The following AGBL4 variants were observed in gnomAD, a reference collection of about 807,000 sequenced individuals.
AGBL4 encodes cytosolic carboxypeptidase 6.
Under a neutral mutation model 66.4 loss-of-function variants are expected in AGBL4, and 58 were observed. That is an observed-to-expected ratio of 0.87 (90% CI 0.71 to 1.09). The LOEUF (loss-of-function observed/expected upper bound fraction) is 1.09, where lower values mean the gene tolerates loss of function less well. Ranked by LOEUF, AGBL4 falls within the 50% of genes least tolerant of loss-of-function variation. The pLI is 0.00. For synonymous variants in AGBL4, 234 were observed against 222.9 expected, an observed-to-expected ratio of 1.05 and a Z score of -0.44; for missense variants, 579 against 631.0, an observed-to-expected ratio of 0.92 and a Z score of 0.88.
chr1:49,810,738 T>A (rs534041152), intron 2 of AGBL4, among the ~76,000 whole-genome samples: 3 of 152,260 alleles, frequency 2.0e-5, no homozygotes, highest in East Asian at 3.9e-4. Flanking sequence ...AGTGACATGT[T>A]GAGGAAGTTT....
chr1:49,106,241 A>C (rs1645289879), intron 4 of AGBL4, among the ~76,000 whole-genome samples: 1 of 152,188 alleles, frequency 6.6e-6, no homozygotes, highest in African/African-American at 2.4e-5. Flanking sequence ...TGCCTTTACC[A>C]AAAGGGTTTT....
intron 3 of AGBL4, among the ~76,000 whole-genome samples, chr1:49,493,906 C>T (rs1256314150): frequency 6.6e-6 from 1 of 151,940 alleles, no homozygotes; most frequent in Non-Finnish European, 1.5e-5. Context: ...GGTTTGTATA[C>T]ATGCTACCAC....
intron 3 of AGBL4, among the ~76,000 whole-genome samples, chr1:49,611,544 T>A (rs1403131260): frequency 2.0e-5 from 3 of 151,682 alleles, no homozygotes; most frequent in Admixed American, 1.3e-4. Flanking sequence ...CCCAGCTAAT[T>A]TTTTTTGTAT....
At chr1:49,747,052 T>G (rs548010196) in intron 2 of AGBL4, among the ~76,000 whole-genome samples, 4 of 152,168 alleles carry the variant, frequency 2.6e-5, no homozygotes, top group Non-Finnish European at 4.4e-5. Context: ...AGGTCAGCTA[T>G]TGACATGGCT....
intron 7 of AGBL4, among the ~76,000 whole-genome samples, chr1:48,659,892 T>C (rs1368978047): frequency 6.6e-6 from 1 of 152,242 alleles, no homozygotes; most frequent in Non-Finnish European, 1.5e-5. Flanking sequence ...ATATGAACTG[T>C]GTCAGTCTTC....
intron 9 of AGBL4, among the ~76,000 whole-genome samples, chr1:48,616,654 TG>T (rs1645323937): frequency 6.6e-6 from 1 of 152,170 alleles, no homozygotes; most frequent in Non-Finnish European, 1.5e-5. Flanking sequence ...AGTGAGATAA[TG>T]TGTGTGAAAT....
At chr1:48,689,370 C>T (rs945698161) in intron 6 of AGBL4, among the ~76,000 whole-genome samples, 21 of 151,860 alleles carry the variant, frequency 1.4e-4, no homozygotes, top group African/African-American at 4.8e-4. Flanking sequence ...TTATGGATGA[C>T]GGTCACCTAC....
rs539801490 is a variant in AGBL4 at position 48,610,139 on chromosome 1, G to A, written c.952-19154C>T. Among the ~76,000 whole-genome samples, 8 of 152,350 alleles carry A rather than the reference G, an allele frequency of 5.3e-5. 1 individual carries two copies. The South Asian group carries it at 1.7e-3, about 32-fold the overall frequency. ...GTAAAAACAATAAAAAATAAAAAGA[G>A]CACGTGCCTAGTGGAGAAGCTGCTG... On this transcript the variant is annotated intron_variant, in intron 9 of 13. Transcript: ENST00000371839.
chr1:49,467,476 G>T (rs1478779230), intron 3 of AGBL4, among the ~76,000 whole-genome samples: 1 of 151,694 alleles, frequency 6.6e-6, no homozygotes, highest in African/African-American at 2.4e-5. Flanking sequence ...CTGTAAAATA[G>T]GGGCAGTAAT....
At chr1:49,969,357 T>C (rs147100288) in intron 1 of AGBL4, among the ~76,000 whole-genome samples, 1 of 152,212 alleles carries the variant, frequency 6.6e-6, no homozygotes, top group East Asian at 1.9e-4. Flanking sequence ...TGTATATGTG[T>C]GGTGTGTCTG....
At chr1:49,075,087 G>A (rs1031482474) in intron 4 of AGBL4, among the ~76,000 whole-genome samples, 3 of 152,112 alleles carry the variant, frequency 2.0e-5, no homozygotes, top group Non-Finnish European at 2.9e-5. Flanking sequence ...ACTCATGATG[G>A]CCAAAAATGA....
chr1:49,195,141 C>G (rs1464408941), intron 4 of AGBL4, among the ~76,000 whole-genome samples: 1 of 152,084 alleles, frequency 6.6e-6, no homozygotes, highest in Admixed American at 6.6e-5. Context: ...CACACTTGGC[C>G]TCTTTTTATT....
intron 3 of AGBL4, among the ~76,000 whole-genome samples, chr1:49,368,146 T>C (rs944008699): frequency 6.6e-6 from 1 of 152,214 alleles, no homozygotes; most frequent in African/African-American, 2.4e-5. Flanking sequence ...TGCTGCATTT[T>C]GTTTACTCAT....
chr1:48,920,633 A>G (rs757648387), intron 5 of AGBL4, among the ~76,000 whole-genome samples: 14 of 152,224 alleles, frequency 9.2e-5, no homozygotes, highest in Admixed American at 3.3e-4. Flanking sequence ...ATCAATGTTC[A>G]GAAAGGCTGA....
intron 4 of AGBL4, among the ~76,000 whole-genome samples, chr1:49,210,046 A>G (rs1648548070): frequency 6.6e-6 from 1 of 152,024 alleles, no homozygotes; most frequent in African/African-American, 2.4e-5. Context: ...ACGGGGAGAG[A>G]TTGGCTAGTG....
intron 3 of AGBL4, among the ~76,000 whole-genome samples, chr1:49,573,445 T>C (rs929778447): frequency 2.6e-5 from 4 of 152,110 alleles, no homozygotes; most frequent in South Asian, 2.1e-4. Flanking sequence ...TAATTCACCA[T>C]TTGTGAGAGG....
chr1:49,350,088 C>T (rs1277740214), intron 3 of AGBL4, among the ~76,000 whole-genome samples: 1 of 152,066 alleles, frequency 6.6e-6, no homozygotes, highest in South Asian at 2.1e-4. Flanking sequence ...AGACAGGAAA[C>T]ATATTTGTTT....
At chr1:49,336,842 G>T (rs1163834794) in intron 3 of AGBL4, among the ~76,000 whole-genome samples, 1 of 152,052 alleles carries the variant, frequency 6.6e-6, no homozygotes. Context: ...AACTATAGCA[G>T]GTGCCCAATA....
At chr1:49,431,457 A>G (rs1258935864) in intron 3 of AGBL4, among the ~76,000 whole-genome samples, 2 of 152,292 alleles carry the variant, frequency 1.3e-5, no homozygotes. Context: ...AAGTTTAGAC[A>G]TGTCTTCAAA....
Sources: allele counts gnomAD v4.1 joint callset (sites outside exome capture counted in the v4.1 genomes callset), GRCh38; gene constraint gnomAD v4.1.1; transcripts MANE v1.5; gene names NCBI Gene and HGNC (gene_info 2026-07-23, HGNC 2026-07-21).